PTPN4: variants seen among roughly 807,000 people sequenced by gnomAD.
The protein encoded by PTPN4 is tyrosine-protein phosphatase non-receptor type 4.
In PTPN4, 49 loss-of-function variants were observed where a neutral mutation model predicts 135.5. The observed-to-expected ratio is 0.36, with a 90% CI of 0.29 to 0.46. The LOEUF (loss-of-function observed/expected upper bound fraction) is 0.46. PTPN4 is among the 20% of genes least tolerant of loss of function. The probability of loss-of-function intolerance (pLI) is 1.00; values close to 1 mark genes in which losing one functional copy is unlikely to be tolerated. For missense variants in PTPN4, 860 were observed against 1,101.0 expected, an observed-to-expected ratio of 0.78 and a Z score of 3.10; for synonymous variants, 333 against 369.9, an observed-to-expected ratio of 0.90 and a Z score of 1.14.
chr2:119,908,345 T>G (rs1678519490), intron 10 of PTPN4, among the ~76,000 whole-genome samples: 1 of 152,174 alleles, frequency 6.6e-6, no homozygotes, highest in Non-Finnish European at 1.5e-5. Context: ...CAAACAACTC[T>G]GTTGTTGCCA....
chr2:119,838,011 C>A (rs1677321698), intron 2 of PTPN4, among the ~76,000 whole-genome samples: 1 of 152,198 alleles, frequency 6.6e-6, no homozygotes. Flanking sequence ...AGGCCGGTAG[C>A]GCGAGCCAAG....
intron 1 of PTPN4, among the ~76,000 whole-genome samples, chr2:119,796,730 T>C (rs916522449): frequency 7.2e-5 from 11 of 152,230 alleles, no homozygotes; most frequent in Non-Finnish European, 1.5e-4. Context: ...AAAGCAGGAA[T>C]ATGTTCAATT....
chr2:119,798,675 A>G (rs1203534965), intron 1 of PTPN4, among the ~76,000 whole-genome samples: 1 of 152,252 alleles, frequency 6.6e-6, no homozygotes, highest in Non-Finnish European at 1.5e-5. Context: ...TACCTTGGTA[A>G]CTAAAAATAT....
chr2:119,935,373 T>A (rs1280573492), intron 15 of PTPN4, among the ~76,000 whole-genome samples: 1 of 152,184 alleles, frequency 6.6e-6, no homozygotes, highest in Admixed American at 6.6e-5. Flanking sequence ...AATTTACCTA[T>A]GTAGATAGGT....
At chr2:119,880,208 A>G (rs2105000668) in intron 5 of PTPN4, 1 of 152,226 alleles carries the variant, frequency 6.6e-6, no homozygotes, top group East Asian at 1.9e-4. Context: ...CATTTTAACT[A>G]ATTTGCCCAA....
At chr2:119,965,470 G>A in intron 24 of PTPN4, 27 bp from the exon 25 acceptor site, 3 of 1,582,230 alleles carry the variant, frequency 1.9e-6, no homozygotes, top group Non-Finnish European at 2.6e-6. Context: ...CATAAGTCAA[G>A]GTGCATAATT....
At chr2:119,936,610 T>C (rs2105041030) in intron 15 of PTPN4, among the ~76,000 whole-genome samples, 1 of 152,312 alleles carries the variant, frequency 6.6e-6, no homozygotes, top group Non-Finnish European at 1.5e-5. Flanking sequence ...TCCCCAGCCA[T>C]GTGTAACTGT....
chr2:119,846,061 T>C (rs1373114950), intron 2 of PTPN4, among the ~76,000 whole-genome samples: 2 of 152,242 alleles, frequency 1.3e-5, no homozygotes. Flanking sequence ...ATGTTGGGTA[T>C]TATTTCAGTT....
At chr2:119,879,102 A>AC (rs1004158696) in intron 5 of PTPN4, among the ~76,000 whole-genome samples, 1 of 151,872 alleles carries the variant, frequency 6.6e-6, no homozygotes, top group Non-Finnish European at 1.5e-5. Context: ...GAAAAAAAAA[A>AC]AAAACAAAAA....
chr2:119,820,148 G>A (rs936594764), intron 2 of PTPN4, among the ~76,000 whole-genome samples: 12 of 152,112 alleles, frequency 7.9e-5, no homozygotes, highest in South Asian at 4.2e-4. Context: ...GGCATGAGCC[G>A]CGGTGCCTGG....
At chr2:119,850,416 G>A (rs556853478) in intron 2 of PTPN4, among the ~76,000 whole-genome samples, 4 of 152,342 alleles carry the variant, frequency 2.6e-5, no homozygotes, top group South Asian at 2.1e-4. Context: ...GTCTTGCCCT[G>A]CAGGCTTTGG....
chr2:119,934,951 T>G lies in PTPN4; in HGVS notation c.1348T>G (p.Ser450Ala). The G allele has an allele frequency of 6.2e-7, 1 of 1,610,780 alleles. No individual in the cohort carries two copies. Among genetic ancestry groups the G allele is most frequent in the East Asian group, 2.2e-5 (1 of 44,828 alleles). Residue 450 changes from serine to alanine, a missense_variant, in exon 15 of 27, where the codon TCA (serine) becomes GCA (alanine). By Grantham distance (99) the Ser-to-Ala change is moderately conservative. This residue lies in a region of PTPN4 where 684 missense variants were observed against 807.0 expected (regional missense o/e 0.85). Transcript: ENST00000263708. ...ACAAGCTAATAGCATTGTTCTGGAA[T>G]CATCACCGTAAGAGCTTTTTTATTT... is the stretch of plus-strand genomic sequence containing the variant. ...STQANSIVLE[S>A]SPSQETPGDG... is the part of the protein sequence containing the mutation.
chr2:119,977,927 A>G lies in PTPN4; in HGVS notation c.*857A>G, dbSNP rs1003935128. 6.6e-6 allele frequency: 1 copy of G among 152,174 alleles called. No homozygotes were observed. Among genetic ancestry groups the G allele is most frequent in the African/African-American group, 2.4e-5 (1 of 41,452 alleles). 9.4% of individuals were successfully genotyped at this position (152,174 alleles called of 1,614,324 possible). A position where few individuals can be genotyped will look rare whatever the true frequency, so the allele number is the denominator to read the frequency against. ...ATTCGTATATTTTTATGCATTTTGA[A>G]TAAGTTCACATTTTAAAAAACAGCT... On this transcript the variant is annotated 3_prime_UTR_variant, in exon 27 of 27. Transcript: ENST00000263708.
At chr2:119,915,109 A>AT (rs1678632261) in intron 10 of PTPN4, 70 bp from the exon 11 acceptor site, 4 of 1,287,524 alleles carry the variant, frequency 3.1e-6, no homozygotes, top group African/African-American at 3.2e-5. Flanking sequence ...CACTTAAAAC[A>AT]TTTTTTCATA....
chr2:119,924,067 G>A (rs2105031349), intron 12 of PTPN4, among the ~76,000 whole-genome samples: 3 of 150,322 alleles, frequency 2.0e-5, no homozygotes, highest in Middle Eastern at 6.8e-3. Context: ...AACCCAGGAG[G>A]CAGAGCTTGC....
At chr2:119,909,247 C>A (rs1447049422) in intron 10 of PTPN4, among the ~76,000 whole-genome samples, 2 of 152,164 alleles carry the variant, frequency 1.3e-5, no homozygotes, top group Admixed American at 1.3e-4. Context: ...TACCTGGCTT[C>A]AATGTTTCAA....
chr2:119,889,606 A>G (rs3106244), intron 9 of PTPN4, among the ~76,000 whole-genome samples: 58,172 of 151,834 alleles, frequency 0.38, 12,609 homozygotes, highest in African/African-American at 0.6. Context: ...TTTTTTTATG[A>G]TCACTATTTC....
chr2:119,856,605 C>T (rs1052525409), intron 2 of PTPN4, among the ~76,000 whole-genome samples: 11 of 152,168 alleles, frequency 7.2e-5, no homozygotes, highest in African/African-American at 2.4e-4. Context: ...GAGCAAACCA[C>T]TTAGGACAGA....
intron 1 of PTPN4, among the ~76,000 whole-genome samples, chr2:119,790,020 A>T (rs1410675843): frequency 1.3e-5 from 2 of 152,020 alleles, no homozygotes. Flanking sequence ...GAGCCACTGC[A>T]CCTGGCCACC....
Sources: gnomAD v4.1 joint callset for allele counts (sites outside exome capture counted in the v4.1 genomes callset) on GRCh38, gnomAD v4.1.1 for gene constraint, gnomAD v4.1.1 regional missense constraint, MANE v1.5 for transcripts, NCBI Gene and HGNC (gene_info 2026-07-23, HGNC 2026-07-21) for gene names.